Variants in FRMD3 observed in about 807,000 individuals in gnomAD.
FRMD3 encodes the protein FERM domain-containing protein 3.
FRMD3 carries 33 observed loss-of-function variants against 70.2 expected under a neutral mutation model. The ratio of observed to expected loss-of-function variants is 0.47; its 90% CI spans 0.36 to 0.63. The LOEUF is 0.63. Among genes scored for constraint, FRMD3 ranks in the 20% least tolerant of loss-of-function variants. The probability of loss-of-function intolerance (pLI) is 0.00; values close to 1 mark genes in which losing one functional copy is unlikely to be tolerated. For missense variants in FRMD3, 632 were observed against 711.4 expected (o/e 0.89, Z 1.27); for synonymous variants, 279 against 255.9 (o/e 1.09, Z -0.86).
intron 3 of FRMD3, among the ~76,000 whole-genome samples, chr9:83,369,738 A>G (rs1050236976): frequency 6.6e-6 from 1 of 152,098 alleles, no homozygotes; most frequent in African/African-American, 2.4e-5. Context: ...ATGAAGAAAA[A>G]TATATAGAGA....
chr9:83,283,551 ATAATAATAAT>A (rs1834066941), intron 13 of FRMD3, among the ~76,000 whole-genome samples: 4 of 54,102 alleles, frequency 7.4e-5, no homozygotes, highest in African/African-American at 6.3e-5. Context: ...AAAAAAAATA[ATAATAATAAT>A]AATAATAATA....
At chr9:83,464,564 C>T (rs1028645558) in intron 1 of FRMD3, among the ~76,000 whole-genome samples, 31 of 152,288 alleles carry the variant, frequency 2.0e-4, no homozygotes, top group Admixed American at 1.9e-3. Flanking sequence ...GAAGCAAGCT[C>T]CCCAAACACA....
chr9:83,447,684 C>T (rs1036949061), intron 1 of FRMD3, among the ~76,000 whole-genome samples: 6 of 152,088 alleles, frequency 3.9e-5, no homozygotes, highest in East Asian at 1.9e-4. Flanking sequence ...TTGTTACCAT[C>T]GGCAATGGAG....
At chr9:83,528,963 A>T (rs570128598) in intron 1 of FRMD3, among the ~76,000 whole-genome samples, 1 of 152,374 alleles carries the variant, frequency 6.6e-6, no homozygotes, top group Non-Finnish European at 1.5e-5. Flanking sequence ...AACCCACTGT[A>T]CATTAATGTA....
chr9:83,373,236 G>A (rs537306684), intron 2 of FRMD3, among the ~76,000 whole-genome samples: 1 of 152,322 alleles, frequency 6.6e-6, no homozygotes, highest in East Asian at 1.9e-4. Flanking sequence ...GGATGTTCTA[G>A]TACCCCTAAT....
intron 10 of FRMD3, among the ~76,000 whole-genome samples, chr9:83,308,196 G>T (rs1428220183): frequency 1.3e-5 from 2 of 152,146 alleles, no homozygotes; most frequent in Non-Finnish European, 2.9e-5. Context: ...AAAGGCATAG[G>T]CAACCTGGAC....
intron 1 of FRMD3, among the ~76,000 whole-genome samples, chr9:83,493,800 T>C (rs892474507): frequency 1.3e-5 from 2 of 152,136 alleles, no homozygotes; most frequent in African/African-American, 4.8e-5. Flanking sequence ...TATTAATCCC[T>C]TCACACGCAG....
intron 1 of FRMD3, among the ~76,000 whole-genome samples, chr9:83,390,566 G>A (rs1825640988): frequency 6.6e-6 from 1 of 152,176 alleles, no homozygotes; most frequent in African/African-American, 2.4e-5. Context: ...AAATAAGGTG[G>A]TTGGACTAGA....
chr9:83,436,775 C>A (rs1410132932), intron 1 of FRMD3, among the ~76,000 whole-genome samples: 6 of 90,958 alleles, frequency 6.6e-5, no homozygotes, highest in African/African-American at 8.9e-5. Flanking sequence ...CAACCTGGAC[C>A]AAGGGGAAAA....
chr9:83,497,691 TC>T (rs1376159180), intron 1 of FRMD3, among the ~76,000 whole-genome samples: 8 of 152,180 alleles, frequency 5.3e-5, no homozygotes, highest in African/African-American at 1.9e-4. Flanking sequence ...TGTGCAACCT[TC>T]CACTCTCTGC....
chr9:83,345,052 C>T (rs1421713472), intron 4 of FRMD3, among the ~76,000 whole-genome samples: 1 of 152,146 alleles, frequency 6.6e-6, no homozygotes, highest in Non-Finnish European at 1.5e-5. Context: ...AGCACTGGAG[C>T]TCACTGTTTC....
At chr9:83,481,976 A>C (rs916235461) in intron 1 of FRMD3, among the ~76,000 whole-genome samples, 1 of 149,342 alleles carries the variant, frequency 6.7e-6, no homozygotes, top group South Asian at 2.1e-4. Context: ...AAAAAAAAAA[A>C]CAGCAACAAC....
At chr9:83,403,625 C>G (rs145668059) in intron 1 of FRMD3, among the ~76,000 whole-genome samples, 3 of 152,050 alleles carry the variant, frequency 2.0e-5, no homozygotes, top group African/African-American at 7.2e-5. Flanking sequence ...AGCCACACCA[C>G]AGGAAATTAC....
At chr9:83,482,987 G>A (rs1828604273) in intron 1 of FRMD3, among the ~76,000 whole-genome samples, 1 of 152,208 alleles carries the variant, frequency 6.6e-6, no homozygotes, top group African/African-American at 2.4e-5. Context: ...CTCCTTGATG[G>A]CAGATGTGGC....
chr9:83,442,970 A>C (rs1409420026), intron 1 of FRMD3, among the ~76,000 whole-genome samples: 1 of 152,200 alleles, frequency 6.6e-6, no homozygotes. Flanking sequence ...ACTTTTCATT[A>C]ATCTATGGAG....
intron 1 of FRMD3, among the ~76,000 whole-genome samples, chr9:83,466,193 C>T (rs975592666): frequency 6.6e-6 from 1 of 152,180 alleles, no homozygotes; most frequent in Non-Finnish European, 1.5e-5. Context: ...TTCCCTGTAA[C>T]TACCAAGGGA....
At chr9:83,457,343 G>T (rs1827847768) in intron 1 of FRMD3, among the ~76,000 whole-genome samples, 1 of 152,152 alleles carries the variant, frequency 6.6e-6, no homozygotes, top group Non-Finnish European at 1.5e-5. Flanking sequence ...TGGTGAAAAA[G>T]ATGAAGAAAG....
intron 1 of FRMD3, among the ~76,000 whole-genome samples, chr9:83,451,735 C>T (rs1176559068): frequency 6.6e-6 from 1 of 152,146 alleles, no homozygotes; most frequent in Non-Finnish European, 1.5e-5. Context: ...GAGGACCAGT[C>T]CCAGCCAAGA....
chr9:83,424,630 T>C (rs1826749426), intron 1 of FRMD3, among the ~76,000 whole-genome samples: 1 of 152,198 alleles, frequency 6.6e-6, no homozygotes, highest in African/African-American at 2.4e-5. Flanking sequence ...AAACAGAAAA[T>C]TGCATCACAA....
Sources: gnomAD v4.1 joint callset for allele counts (sites outside exome capture counted in the v4.1 genomes callset) on GRCh38, gnomAD v4.1.1 for gene constraint, MANE v1.5 for transcripts, NCBI Gene and HGNC (gene_info 2026-07-23, HGNC 2026-07-21) for gene names.